UBE2E2: variants seen among roughly 807,000 people sequenced by gnomAD.
UBE2E2 encodes ubiquitin-conjugating enzyme E2 E2.
A neutral mutation model predicts 24.7 loss-of-function variants in UBE2E2; 6 were observed. The ratio of observed to expected loss-of-function variants is 0.24; its 90% CI spans 0.13 to 0.48. UBE2E2 has a LOEUF of 0.48. UBE2E2 is among the 20% of genes least tolerant of loss of function. The pLI, the probability that UBE2E2 is intolerant of heterozygous loss-of-function variation, is 0.99. For missense variants in UBE2E2, 169 were observed against 245.0 expected (o/e 0.69, Z 2.07); for synonymous variants, 104 against 83.6 (o/e 1.24, Z -1.33).
intron 3 of UBE2E2, among the ~76,000 whole-genome samples, chr3:23,393,758 G>A (rs982559322): frequency 2.6e-5 from 4 of 151,990 alleles, no homozygotes; most frequent in African/African-American, 7.2e-5. Flanking sequence ...GCTAAAAATG[G>A]CTTTTACAGT....
At chr3:23,436,163 G>C (rs959442758) in intron 3 of UBE2E2, among the ~76,000 whole-genome samples, 11 of 140,414 alleles carry the variant, frequency 7.8e-5, no homozygotes, top group African/African-American at 3.0e-4. Flanking sequence ...CTGTGGCCCA[G>C]GGTTTGGGGA....
At chr3:23,347,081 T>C (rs1026728149) in intron 3 of UBE2E2, among the ~76,000 whole-genome samples, 1 of 152,182 alleles carries the variant, frequency 6.6e-6, no homozygotes, top group Non-Finnish European at 1.5e-5. Flanking sequence ...CACCTCCACT[T>C]TCTGCTGTTA....
At chr3:23,406,005 C>A (rs551248116) in intron 3 of UBE2E2, among the ~76,000 whole-genome samples, 1 of 152,240 alleles carries the variant, frequency 6.6e-6, no homozygotes, top group Non-Finnish European at 1.5e-5. Context: ...CATTTTTCTC[C>A]ATGAAGATCT....
In UBE2E2 at chr3:23,376,638, A is replaced by T. The variant is rs150592041; in HGVS notation, c.228-122970A>T. ...TTGACCAATACAGTGGAGATCTGTT[A>T]CCACAGGTAAGGTCCCTCAAGGCTG... is the stretch of plus-strand genomic sequence containing the variant. On this transcript the variant is annotated intron_variant, in intron 3 of 5. Transcript: ENST00000396703. Among the ~76,000 whole-genome samples the T allele has an allele frequency of 7.9e-3, 1,207 of 151,932 alleles. 22 individuals carry two copies. The highest frequency in any genetic ancestry group is 0.027 in the African/African-American group (1,120 of 41,434).
intron 5 of UBE2E2, among the ~76,000 whole-genome samples, chr3:23,555,545 A>G (rs559196748): frequency 2.0e-5 from 3 of 152,328 alleles, no homozygotes; most frequent in South Asian, 2.1e-4. Context: ...ACCACCTCAT[A>G]TAGATACCTG....
At chr3:23,237,547 T>G (rs1697145355) in intron 3 of UBE2E2, among the ~76,000 whole-genome samples, 1 of 152,172 alleles carries the variant, frequency 6.6e-6, no homozygotes, top group South Asian at 2.1e-4. Flanking sequence ...GAAAATTCAC[T>G]TGGAGATCAC....
intron 3 of UBE2E2, among the ~76,000 whole-genome samples, chr3:23,377,443 T>C (rs1696550565): frequency 1.3e-5 from 2 of 152,214 alleles, no homozygotes; most frequent in Admixed American, 1.3e-4. Context: ...ATTTCCATTT[T>C]TAGGAGATCA....
At chr3:23,483,117 A>G (rs577323958) in intron 3 of UBE2E2, among the ~76,000 whole-genome samples, 9 of 152,266 alleles carry the variant, frequency 5.9e-5, no homozygotes, top group East Asian at 1.9e-4. Flanking sequence ...CATTGCTGCT[A>G]TGGTCTTCTG....
intron 3 of UBE2E2, among the ~76,000 whole-genome samples, chr3:23,448,913 C>G (rs1162556854): frequency 6.6e-6 from 1 of 152,226 alleles, no homozygotes; most frequent in Non-Finnish European, 1.5e-5. Context: ...ACAGTTCCAT[C>G]TGTTTACTTC....
intron 4 of UBE2E2, among the ~76,000 whole-genome samples, chr3:23,511,808 C>T (rs1343598387): frequency 6.6e-6 from 1 of 152,014 alleles, no homozygotes. Flanking sequence ...AAATATCATG[C>T]TTTTATTACA....
chr3:23,520,498 A>G (rs1031352300), intron 4 of UBE2E2, among the ~76,000 whole-genome samples: 7 of 152,340 alleles, frequency 4.6e-5, no homozygotes, highest in East Asian at 1.9e-4. Context: ...GGAAATTTTT[A>G]TAGTATTTGT....
intron 4 of UBE2E2, among the ~76,000 whole-genome samples, chr3:23,520,413 A>G (rs540078373): frequency 3.3e-5 from 5 of 152,238 alleles, no homozygotes; most frequent in African/African-American, 9.6e-5. Context: ...CTGTTTATAC[A>G]TGTGGTATTT....
intron 3 of UBE2E2, among the ~76,000 whole-genome samples, chr3:23,461,284 C>A (rs1355475114): frequency 2.6e-5 from 4 of 152,054 alleles, no homozygotes; most frequent in Non-Finnish European, 1.5e-5. Flanking sequence ...TTTATTAACA[C>A]CATGTGTGGT....
At chr3:23,510,578 G>T (rs1394838215) in intron 4 of UBE2E2, among the ~76,000 whole-genome samples, 1 of 151,986 alleles carries the variant, frequency 6.6e-6, no homozygotes, top group African/African-American at 2.4e-5. Context: ...CTGCACTCCA[G>T]CCTGGGTGAC....
intron 3 of UBE2E2, among the ~76,000 whole-genome samples, chr3:23,272,501 G>A (rs55895449): frequency 0.32 from 48,809 of 152,030 alleles, 8,147 homozygotes; most frequent in South Asian, 0.39. Context: ...CAGAGCAGAC[G>A]CCAAGGCCGA....
intron 3 of UBE2E2, among the ~76,000 whole-genome samples, chr3:23,265,743 G>A (rs1698030687): frequency 2.0e-5 from 3 of 152,136 alleles, no homozygotes; most frequent in Non-Finnish European, 4.4e-5. Context: ...GTTGACAGTG[G>A]GGTGTTAAAG....
intron 3 of UBE2E2, among the ~76,000 whole-genome samples, chr3:23,317,886 A>G (rs1001984517): frequency 6.6e-6 from 1 of 151,986 alleles, no homozygotes; most frequent in Admixed American, 6.6e-5. Flanking sequence ...TCTTTCAGCA[A>G]TATGAAGTTA....
At chr3:23,332,818 C>T (rs1173959704) in intron 3 of UBE2E2, among the ~76,000 whole-genome samples, 1 of 151,912 alleles carries the variant, frequency 6.6e-6, no homozygotes, top group Middle Eastern at 3.4e-3. Context: ...TAGATGCCAA[C>T]CAAATGTGTG....
chr3:23,388,859 G>T (rs763155696), intron 3 of UBE2E2, among the ~76,000 whole-genome samples: 1 of 151,938 alleles, frequency 6.6e-6, no homozygotes, highest in African/African-American at 2.4e-5. Context: ...ACAAAAATTA[G>T]CTGGGTGGGG....
Sources: allele counts gnomAD v4.1 joint callset (sites outside exome capture counted in the v4.1 genomes callset), GRCh38; gene constraint gnomAD v4.1.1; transcripts MANE v1.5; gene names NCBI Gene and HGNC (gene_info 2026-07-23, HGNC 2026-07-21).